Variants in VPS13A observed in about 807,000 individuals in gnomAD.
VPS13A encodes the protein vacuolar protein sorting 13 homolog A, also known as intermembrane lipid transfer protein VPS13A.
VPS13A carries 264 observed loss-of-function variants against 390.9 expected under a neutral mutation model. The ratio of observed to expected loss-of-function variants is 0.68; its 90% CI spans 0.61 to 0.75. VPS13A has a LOEUF of 0.75. Ranked by LOEUF, VPS13A falls within the 30% of genes least tolerant of loss-of-function variation. The pLI, the probability that VPS13A is intolerant of heterozygous loss-of-function variation, is 0.00. For synonymous variants in VPS13A, 1,231 were observed against 1,227.1 expected, an observed-to-expected ratio of 1.00 and a Z score of -0.07; for missense variants, 3,409 against 3,733.9, an observed-to-expected ratio of 0.91 and a Z score of 2.27.
At chr9:77,348,290 C>T (rs764298203) in intron 52 of VPS13A, among the ~76,000 whole-genome samples, 23 of 152,056 alleles carry the variant, frequency 1.5e-4, no homozygotes, top group Non-Finnish European at 3.1e-4. Context: ...TACTATGCAG[C>T]CGTAAAAAGG....
chr9:77,180,991 A>G (rs192666666), intron 1 of VPS13A, among the ~76,000 whole-genome samples: 1 of 152,136 alleles, frequency 6.6e-6, no homozygotes, highest in Admixed American at 6.5e-5. Context: ...TTGAGATTAC[A>G]GTGAGCTCTG....
At chr9:77,179,318 T>C (rs1234003792) in intron 1 of VPS13A, among the ~76,000 whole-genome samples, 1 of 152,218 alleles carries the variant, frequency 6.6e-6, no homozygotes, top group Non-Finnish European at 1.5e-5. Context: ...ACCACAATAA[T>C]GGCACATAAA....
Position 77,316,389 on chromosome 9 carries a change from A to G in VPS13A, c.4846A>G (p.Lys1616Glu). The change falls in exon 39 of 72, where the codon AAA (lysine) becomes GAA (glutamate). Residue 1616 changes from lysine to glutamate, a missense_variant. Lys to Glu is a moderately conservative substitution (Grantham distance 56, BLOSUM62 1). Transcript: ENST00000360280. The stretch of plus-strand genomic sequence containing the variant: ...CTGCCCGTTTCTTCCAGTCAAGAGA[A>G]AAGGCAAAATCACTACTGTGAGTTA... The part of the protein sequence containing the change: ...RACPFLPVKR[K>E]GKITTVLQPC... 1 of 1,612,792 alleles carries G rather than the reference A, an allele frequency of 6.2e-7. No homozygotes were observed. Among genetic ancestry groups the G allele is most frequent in the African/African-American group, 1.3e-5 (1 of 74,978 alleles).
At chr9:77,206,127 C>A in intron 5 of VPS13A, 48 bp downstream of exon 5, 1 of 1,227,500 alleles carries the variant, frequency 8.1e-7, no homozygotes, top group Non-Finnish European at 1.2e-6. Context: ...GTAGAAAAGA[C>A]CTAAATATTT....
intron 33 of VPS13A, among the ~76,000 whole-genome samples, chr9:77,299,447 G>A (rs957899971): frequency 6.6e-6 from 1 of 152,160 alleles, no homozygotes; most frequent in East Asian, 1.9e-4. Flanking sequence ...AGGATGTGGA[G>A]AAATAGGAAC....
rs907202360 is a variant in VPS13A at position 77,220,288 on chromosome 9, T to A, written c.894T>A (p.Ile298=). ...IEFNKPQYFS[I]MELLESVDMM... ...TTTCCATTCTTTAGTATTTCAGTAT[T>A]ATGGAGCTTCTTGAATCAGTTGATA... Residue 298 remains isoleucine (I), a synonymous_variant, in exon 12 of 72, where the codon ATT becomes ATA. Coordinates refer to ENST00000360280, the MANE Select transcript of VPS13A (RefSeq NM_033305.3). The A allele has an allele frequency of 6.2e-7, 1 of 1,611,464 alleles. No individual in the cohort carries two copies. Among genetic ancestry groups the A allele is most frequent in the Non-Finnish European group, 8.5e-7 (1 of 1,178,612 alleles).
chr9:77,188,789 T>C (rs1824497241), intron 1 of VPS13A, among the ~76,000 whole-genome samples: 2 of 152,172 alleles, frequency 1.3e-5, no homozygotes, highest in South Asian at 2.1e-4. Flanking sequence ...CCAGCATCTG[T>C]TATTTTTGAC....
chr9:77,234,835 T>A (rs1824046433), intron 17 of VPS13A, among the ~76,000 whole-genome samples: 1 of 152,158 alleles, frequency 6.6e-6, no homozygotes, highest in South Asian at 2.1e-4. Context: ...TTAGTCATTT[T>A]GTTGAGGGCT....
chr9:77,340,294 C>A lies in VPS13A; in HGVS notation c.6879+12C>A. 6.2e-7 allele frequency: 1 copy of A among 1,608,218 alleles called. No homozygotes were observed. Among genetic ancestry groups the A allele is most frequent in the South Asian group, 1.1e-5 (1 of 90,590 alleles). ...AAATGGACTATCAAGTGAGTTCATTCTATGCTTATCAAGAAACTTTTATTT... is the reference window on the plus strand; with the variant it reads ...AAATGGACTATCAAGTGAGTTCATTATATGCTTATCAAGAAACTTTTATTT... On this transcript the variant is annotated intron_variant, in intron 49 of 71. Coordinates refer to ENST00000360280, the MANE Select transcript of VPS13A (RefSeq NM_033305.3).
chr9:77,189,673 A>G (rs1824557929), intron 1 of VPS13A, among the ~76,000 whole-genome samples: 1 of 152,178 alleles, frequency 6.6e-6, no homozygotes, highest in Admixed American at 6.5e-5. Flanking sequence ...ATAGCATTGA[A>G]GCTGTAGATT....
intron 67 of VPS13A, among the ~76,000 whole-genome samples, chr9:77,374,664 G>C (rs182331651): frequency 6.6e-6 from 1 of 152,296 alleles, no homozygotes; most frequent in African/African-American, 2.4e-5. Flanking sequence ...GGATACTAGT[G>C]TATATGCATA....
intron 23 of VPS13A, among the ~76,000 whole-genome samples, chr9:77,270,638 C>T (rs779713538): frequency 2.2e-4 from 33 of 152,058 alleles, no homozygotes; most frequent in Non-Finnish European, 4.1e-4. Context: ...TTGCAGTGAG[C>T]CGAGATTGTG....
intron 1 of VPS13A, among the ~76,000 whole-genome samples, chr9:77,179,259 C>G (rs945318263): frequency 6.6e-6 from 1 of 152,188 alleles, no homozygotes; most frequent in Non-Finnish European, 1.5e-5. Flanking sequence ...AAAATTCACT[C>G]TTGTGATACA....
chr9:77,302,746 C>G (rs961554313), intron 33 of VPS13A, among the ~76,000 whole-genome samples, 169 bp from the exon 34 acceptor site: 2 of 152,048 alleles, frequency 1.3e-5, no homozygotes, highest in Non-Finnish European at 2.9e-5. Flanking sequence ...GAACATCACT[C>G]AACTCATTTT....
intron 62 of VPS13A, among the ~76,000 whole-genome samples, chr9:77,368,954 C>T (rs1455892560): frequency 5.9e-5 from 9 of 151,942 alleles, no homozygotes; most frequent in African/African-American, 2.2e-4. Context: ...GCCAACATGG[C>T]GAAACCCCAT....
chr9:77,209,678 T>C (rs912814136), intron 6 of VPS13A, 146 bp downstream of exon 6: 9 of 631,386 alleles, frequency 1.4e-5, no homozygotes, highest in Non-Finnish European at 2.5e-5. Flanking sequence ...TTTCTATAAT[T>C]ATAGTTGTAA....
intron 23 of VPS13A, among the ~76,000 whole-genome samples, chr9:77,262,851 G>A (rs1361486348): frequency 6.6e-6 from 1 of 152,138 alleles, no homozygotes; most frequent in Non-Finnish European, 1.5e-5. Flanking sequence ...CATTTGGGTT[G>A]GTTCTAAGTC....
At chr9:77,374,642 CTG>C (rs1411413482) in intron 67 of VPS13A, among the ~76,000 whole-genome samples, 1 of 152,192 alleles carries the variant, frequency 6.6e-6, no homozygotes, top group Non-Finnish European at 1.5e-5. Flanking sequence ...GAAAGCAGAA[CTG>C]TGGATAAGCG....
chr9:77,196,228 A>G (rs974640723), intron 1 of VPS13A, among the ~76,000 whole-genome samples: 2 of 152,286 alleles, frequency 1.3e-5, no homozygotes, highest in East Asian at 3.9e-4. Flanking sequence ...GTGCATATTT[A>G]TTAGGTACAG....
Sources: allele counts gnomAD v4.1 joint callset (sites outside exome capture counted in the v4.1 genomes callset), GRCh38; gene constraint gnomAD v4.1.1; transcripts MANE v1.5; gene names NCBI Gene and HGNC (gene_info 2026-07-23, HGNC 2026-07-21).